The following BRAP variants were observed in gnomAD, a reference collection of about 807,000 sequenced individuals.
The protein encoded by BRAP is BRCA1-associated protein.
BRAP carries 42 observed loss-of-function variants against 73.4 expected under a neutral mutation model. The observed-to-expected ratio is 0.57, with a 90% CI of 0.45 to 0.74. The LOEUF is 0.74. Ranked by LOEUF, BRAP falls within the 30% of genes least tolerant of loss-of-function variation. The probability of loss-of-function intolerance (pLI) is 0.00; values close to 1 mark genes in which losing one functional copy is unlikely to be tolerated. For synonymous variants in BRAP, 255 were observed against 267.4 expected (o/e 0.95, Z 0.45); for missense variants, 593 against 751.4 (o/e 0.79, Z 2.46).
intron 4 of BRAP, among the ~76,000 whole-genome samples, chr12:111,673,510 G>GAAAAAAAAAAAAAAAAAAAAAAA (rs11350832): frequency 8.5e-6 from 1 of 118,160 alleles, no homozygotes; most frequent in Non-Finnish European, 1.8e-5. Context: ...ATCTCAAAAA[G>GAAAAAAAAAAAAAAAAAAAAAAA]AAAAAAAAAA....
chr12:111,678,249 C>CAA (rs60763826), intron 4 of BRAP, among the ~76,000 whole-genome samples: 30 of 57,440 alleles, frequency 5.2e-4, no homozygotes, highest in Non-Finnish European at 6.6e-4. Context: ...AACTCCGTCT[C>CAA]AAAAAAAAAA....
chr12:111,649,853 T>C, intron 11 of BRAP, 86 bp downstream of exon 11: 2 of 933,688 alleles, frequency 2.1e-6, no homozygotes, highest in South Asian at 3.3e-5. Flanking sequence ...GATACATATA[T>C]TTGAAAATGA....
chr12:111,676,978 T>C (rs1887407135), intron 4 of BRAP, among the ~76,000 whole-genome samples: 1 of 152,214 alleles, frequency 6.6e-6, no homozygotes, highest in Non-Finnish European at 1.5e-5. Context: ...TAAAGGGTTC[T>C]AGCCCCATGG....
chr12:111,649,955 G>A lies in BRAP; in HGVS notation c.1399C>T (p.Gln467Ter). The change falls in exon 11 of 12, where the codon CAG becomes TAG. Residue 467 changes from glutamine (Q) to a stop codon, truncating the protein, a stop_gained. Coordinates refer to ENST00000419234, the MANE Select transcript of BRAP (RefSeq NM_006768.5). LOFTEE classifies it high-confidence loss of function. ...TATACCTACTTTCTTTCCACAGACT[G>A]CTTTTCTTTTAGGAGATCATTTAGT... ...HKLNDLLKEK[Q>*]SVERKCTQLN... The A allele has an allele frequency of 6.2e-7, 1 of 1,605,764 alleles. No individual in the cohort carries two copies. The highest frequency in any genetic ancestry group is 1.1e-5 in the South Asian group (1 of 90,758).
At chr12:111,672,216 G>A (rs1731634598) in intron 5 of BRAP, among the ~76,000 whole-genome samples, 1 of 152,070 alleles carries the variant, frequency 6.6e-6, no homozygotes, top group South Asian at 2.1e-4. Flanking sequence ...AAAATAAAAG[G>A]CAGAAACAAG....
intron 11 of BRAP, among the ~76,000 whole-genome samples, chr12:111,648,215 T>G (rs973558487): frequency 6.6e-6 from 1 of 150,504 alleles, no homozygotes; most frequent in African/African-American, 2.5e-5. Flanking sequence ...GGAGAATCAC[T>G]TGAATCCGGG....
chr12:111,644,909 A>G (rs1202658221), intron 11 of BRAP, among the ~76,000 whole-genome samples: 1 of 151,784 alleles, frequency 6.6e-6, no homozygotes, highest in Non-Finnish European at 1.5e-5. Flanking sequence ...GGCACCTGCC[A>G]CTATGCCTGG....
rs777542152 is a variant in BRAP at position 111,672,712 on chromosome 12, G to A, written c.696C>T (p.Asp232=). 21 of 1,613,822 alleles carry A rather than the reference G, an allele frequency of 1.3e-5. No individual in the cohort carries two copies. Among genetic ancestry groups the A allele is most frequent in the Middle Eastern group, 1.6e-4 (1 of 6,084 alleles). The stretch of plus-strand genomic sequence containing the variant: ...TTTCCACATACACTAGCTGGCAAAC[G>A]TCATCTTCTATTGAGTTGAACTGGC... ...NGRQFNSIED[D]VCQLVYVERA... Residue 232 remains aspartate, a synonymous_variant, in exon 5 of 12, where the codon GAC becomes GAT. Coordinates refer to ENST00000419234, the MANE Select transcript of BRAP (RefSeq NM_006768.5).
Position 111,646,641 on chromosome 12 carries a change from C to T in BRAP, c.1416-2079G>A, listed in dbSNP as rs1204371095. Among the ~76,000 whole-genome samples the T allele has an allele frequency of 3.3e-5, 5 of 152,120 alleles. No homozygotes were observed. The East Asian group carries it at 7.8e-4, about 24-fold the overall frequency. ...TACAAAAATTAGCCGGGTGTGGTAG[C>T]GTGTGCCTGTAATCCCAGCTACTCG... On this transcript the variant is annotated intron_variant, in intron 11 of 11. Coordinates refer to ENST00000419234, the MANE Select transcript of BRAP (RefSeq NM_006768.5).
intron 5 of BRAP, among the ~76,000 whole-genome samples, chr12:111,671,606 C>T (rs1031678784): frequency 2.0e-5 from 3 of 151,980 alleles, no homozygotes; most frequent in African/African-American, 7.3e-5. Context: ...ACTTGTAATC[C>T]CAGCACTTTG....
chr12:111,663,508 G>A (rs1886829418), intron 6 of BRAP, among the ~76,000 whole-genome samples: 1 of 152,016 alleles, frequency 6.6e-6, no homozygotes, highest in South Asian at 2.1e-4. Context: ...GCCTTTCTCT[G>A]CAAAAAATTA....
chr12:111,685,629 T>C, intron 1 of BRAP, 82 bp downstream of exon 1: 1 of 1,452,294 alleles, frequency 6.9e-7, no homozygotes, highest in Non-Finnish European at 9.1e-7. Flanking sequence ...CCGCGGGCTT[T>C]TCCCGGGCCA....
intron 6 of BRAP, among the ~76,000 whole-genome samples, chr12:111,661,594 C>T (rs1886755878): frequency 6.6e-6 from 1 of 151,496 alleles, no homozygotes; most frequent in Non-Finnish European, 1.5e-5. Context: ...TGTATTTTTA[C>T]TCCAACAAAC....
At chr12:111,646,492 G>C (rs1409008582) in intron 11 of BRAP, among the ~76,000 whole-genome samples, 4 of 151,956 alleles carry the variant, frequency 2.6e-5, no homozygotes, top group Non-Finnish European at 5.9e-5. Context: ...CAAAAAATTT[G>C]GGCCAGGCAC....
intron 11 of BRAP, among the ~76,000 whole-genome samples, chr12:111,648,233 G>A (rs1329595654): frequency 6.7e-6 from 1 of 150,078 alleles, no homozygotes; most frequent in African/African-American, 2.5e-5. Context: ...GGGAGGCGGA[G>A]GTTGCAGTGA....
At chr12:111,679,918 A>G (rs948779357) in intron 3 of BRAP, among the ~76,000 whole-genome samples, 6 of 151,808 alleles carry the variant, frequency 4.0e-5, no homozygotes, top group African/African-American at 1.5e-4. Flanking sequence ...TGGTTAACTT[A>G]AAAGCACAAC....
chr12:111,668,327 A>C (rs185877364), intron 5 of BRAP, among the ~76,000 whole-genome samples: 288 of 152,238 alleles, frequency 1.9e-3, no homozygotes, highest in African/African-American at 6.4e-3. Context: ...TTCCATCTTC[A>C]TACAATGTTA....
Position 111,661,364 on chromosome 12 carries a change from C to G in BRAP, c.897-689G>C, listed in dbSNP as rs1349058214. ...GCATAGTATCAGCTCACTGCAACCT[C>G]AGCCTCCTAGGTTCAAGCAATTCTC... On this transcript the variant is annotated intron_variant, in intron 6 of 11. Transcript: ENST00000419234. 2.0e-5 allele frequency among the ~76,000 whole-genome samples: 3 copies of G among 150,966 alleles called. No homozygotes were observed. The Admixed American group carries it at 2.0e-4, about 10-fold the overall frequency.
At chr12:111,646,174 C>A (rs1384908398) in intron 11 of BRAP, among the ~76,000 whole-genome samples, 5 of 151,962 alleles carry the variant, frequency 3.3e-5, no homozygotes, top group African/African-American at 1.2e-4. Flanking sequence ...GTAGACCCAG[C>A]TACTTGGGAG....
Sources: gnomAD v4.1 joint callset for allele counts (sites outside exome capture counted in the v4.1 genomes callset) on GRCh38, gnomAD v4.1.1 for gene constraint, MANE v1.5 for transcripts, NCBI Gene and HGNC (gene_info 2026-07-23, HGNC 2026-07-21) for gene names.